Variants in RNASEH2B observed in about 807,000 individuals in gnomAD.
RNASEH2B encodes the protein ribonuclease H2 subunit B.
RNASEH2B carries 36 observed loss-of-function variants against 45.0 expected under a neutral mutation model. The observed-to-expected ratio is 0.80, with a 90% CI of 0.61 to 1.06. The LOEUF (loss-of-function observed/expected upper bound fraction) is 1.06. Ranked by LOEUF, RNASEH2B falls within the 50% of genes least tolerant of loss-of-function variation. RNASEH2B has a pLI of 0.00. For missense variants in RNASEH2B, 361 were observed against 360.3 expected (o/e 1.00, Z -0.02); for synonymous variants, 119 against 125.7 (o/e 0.95, Z 0.35).
intron 9 of RNASEH2B, among the ~76,000 whole-genome samples, chr13:50,964,656 TAGTC>T (rs1952147518): frequency 6.6e-6 from 1 of 152,220 alleles, no homozygotes; most frequent in Non-Finnish European, 1.5e-5. Flanking sequence ...GAGTACATGA[TAGTC>T]AGACAGGTTG....
rs368659854 is a variant in RNASEH2B, at chr13:50,937,474, G to T, written c.436+2475G>T. ...ACTCCTGGGCTCAAGGGAACCTCCCGCCTCAGCCTCCTAAAGTGCCGAGAT... is the reference window on the plus strand; with the variant it reads ...ACTCCTGGGCTCAAGGGAACCTCCCTCCTCAGCCTCCTAAAGTGCCGAGAT... On this transcript the variant is annotated intron_variant, in intron 5 of 10. Coordinates refer to ENST00000336617, the MANE Select transcript of RNASEH2B (RefSeq NM_024570.4). 3 of 152,092 alleles carry T rather than the reference G, an allele frequency of 2.0e-5. No individual in the cohort carries two copies. In the East Asian group the frequency reaches 5.8e-4, roughly 29 times the overall value. The allele number at this position is 152,092 out of a possible 1,614,324, so 9.4% of individuals were successfully genotyped here.
chr13:50,955,327 T>C (rs1175789523), intron 10 of RNASEH2B: 1 of 152,146 alleles, frequency 6.6e-6, no homozygotes, highest in Admixed American at 6.5e-5. Context: ...TAGTTCGATT[T>C]AAGATCTGCC....
intron 1 of RNASEH2B, among the ~76,000 whole-genome samples, chr13:50,916,092 G>GA (rs957596264): frequency 2.0e-5 from 3 of 151,298 alleles, no homozygotes; most frequent in Admixed American, 6.6e-5. Flanking sequence ...GTAATATGGG[G>GA]AAAAAAATAA....
At chr13:50,912,541 A>C (rs1879479778) in intron 1 of RNASEH2B, 1 of 152,224 alleles carries the variant, frequency 6.6e-6, no homozygotes, top group South Asian at 2.1e-4. Flanking sequence ...AGTGCATGTA[A>C]GTGCAGAGTG....
intron 9 of RNASEH2B, among the ~76,000 whole-genome samples, chr13:50,967,173 G>A (rs1952173356): frequency 6.6e-6 from 1 of 152,134 alleles, no homozygotes; most frequent in African/African-American, 2.4e-5. Context: ...TGCTTTTAGA[G>A]TTATCTTTCA....
At chr13:50,945,644 C>A in intron 7 of RNASEH2B, 112 bp downstream of exon 7, 1 of 735,504 alleles carries the variant, frequency 1.4e-6, no homozygotes, top group Non-Finnish European at 2.4e-6. Flanking sequence ...CATATTCCTA[C>A]CAATGCCTCA....
intron 5 of RNASEH2B, chr13:50,935,234 G>A: frequency 1.9e-6 from 1 of 524,872 alleles, no homozygotes; most frequent in Non-Finnish European, 3.4e-6. Flanking sequence ...GAATCACAAG[G>A]TGTGGCTTCA....
intron 2 of RNASEH2B, 50 bp from the exon 3 acceptor site, chr13:50,929,411 GGTGTGTGTGTGTTT>G: frequency 2.1e-6 from 2 of 947,586 alleles, no homozygotes; most frequent in Non-Finnish European, 3.4e-6. Context: ...AGTCTTTTGG[GGTGTGTGTGTGTTT>G]GTGTGTGTGT....
rs551361633 is a variant in RNASEH2B at position 50,925,545 on chromosome 13, C to A, written c.65-1862C>A. 5.6e-4 allele frequency among the ~76,000 whole-genome samples: 86 copies of A among 152,242 alleles called. 1 individual carries two copies. Among genetic ancestry groups the A allele is most frequent in the African/African-American group, 2.0e-3 (84 of 41,532 alleles). On this transcript the variant is annotated intron_variant, in intron 1 of 10. Coordinates refer to ENST00000336617, the MANE Select transcript of RNASEH2B (RefSeq NM_024570.4). ...TTATAATTAGTTTGGTAGGACCAGT[C>A]CAGCAAATAGTTAGGGCTGACTCTT...
At chr13:50,913,004 T>C (rs1295690473) in intron 1 of RNASEH2B, 1 of 152,254 alleles carries the variant, frequency 6.6e-6, no homozygotes, top group African/African-American at 2.4e-5. Flanking sequence ...GTTTTCAGTT[T>C]GTTTGGAGAA....
chr13:50,913,018 G>C (rs1879514113), intron 1 of RNASEH2B: 1 of 152,162 alleles, frequency 6.6e-6, no homozygotes, highest in South Asian at 2.1e-4. Flanking sequence ...TGGAGAAGCT[G>C]GCTATCTCAG....
intron 1 of RNASEH2B, among the ~76,000 whole-genome samples, chr13:50,918,611 T>C (rs1221103507): frequency 6.6e-6 from 1 of 152,216 alleles, no homozygotes; most frequent in Admixed American, 6.5e-5. Context: ...CCCAGATCTC[T>C]TTGACAGCAG....
chr13:50,944,010 T>C (rs767306792), intron 6 of RNASEH2B, among the ~76,000 whole-genome samples: 8 of 100,662 alleles, frequency 7.9e-5, no homozygotes, highest in Non-Finnish European at 1.5e-4. Flanking sequence ...CAGGACGGGA[T>C]GGGATGGGAC....
At position 50,945,444 on chromosome 13, in the gene RNASEH2B, A is replaced by G. The variant is rs768340427; in HGVS notation, c.528A>G (p.Ala176=). The change falls in exon 7 of 11, where the codon GCA becomes GCG. Residue 176 remains alanine (A), a synonymous_variant. Coordinates refer to ENST00000336617, the MANE Select transcript of RNASEH2B (RefSeq NM_024570.4). The part of the protein sequence containing the change: ...WLEKKVNQTV[A]ALKTNNVNVS... ...CTTCATAGGTTAATCAAACTGTGGC[A>G]GCATTAAAAACCAATAATGTGAATG... 2 of 1,613,096 alleles carry G rather than the reference A, an allele frequency of 1.2e-6. No homozygotes were observed. Among genetic ancestry groups the G allele is most frequent in the Non-Finnish European group, 1.7e-6 (2 of 1,179,082 alleles).
chr13:50,910,065 G>A lies in RNASEH2B; in HGVS notation c.-12G>A. The stretch of plus-strand genomic sequence containing the variant: ...GCGCTGAGCCTGCGGCGCCCCGGAA[G>A]AGGCGGGCGGCATGGCCGCTGGCGT... On this transcript the variant is annotated 5_prime_UTR_variant, in exon 1 of 11. Coordinates refer to ENST00000336617, the MANE Select transcript of RNASEH2B (RefSeq NM_024570.4). 6.8e-7 allele frequency: 1 copy of A among 1,461,010 alleles called. No individual in the cohort carries two copies. The highest frequency in any genetic ancestry group is 9.0e-7 in the Non-Finnish European group (1 of 1,111,580). 90.5% of individuals were successfully genotyped at this position (1,461,010 alleles called of 1,614,324 possible). A position where few individuals can be genotyped will look rare whatever the true frequency, so the allele number is the denominator to read the frequency against.
At chr13:50,917,935 TCATGCTCCATC>T (rs913803975) in intron 1 of RNASEH2B, among the ~76,000 whole-genome samples, 19 of 152,148 alleles carry the variant, frequency 1.2e-4, no homozygotes, top group African/African-American at 4.3e-4. Context: ...CCCACATAGT[TCATGCTCCATC>T]CATGCTCCAT....
At chr13:50,915,091 G>A (rs1879663823) in intron 1 of RNASEH2B, among the ~76,000 whole-genome samples, 1 of 152,186 alleles carries the variant, frequency 6.6e-6, no homozygotes, top group Admixed American at 6.5e-5. Context: ...TCTGTGGTTT[G>A]AGTTACTCAT....
intron 1 of RNASEH2B, among the ~76,000 whole-genome samples, chr13:50,919,574 G>A (rs1424644897): frequency 1.3e-5 from 2 of 152,172 alleles, no homozygotes; most frequent in Non-Finnish European, 2.9e-5. Context: ...GGACAAGAGA[G>A]GGAAAATTTT....
chr13:50,969,341 GTTAT>G (rs1952196199), intron 9 of RNASEH2B, among the ~76,000 whole-genome samples: 1 of 151,756 alleles, frequency 6.6e-6, no homozygotes, highest in South Asian at 2.1e-4. Context: ...TCCAGAATAC[GTTAT>G]TTTTAACTTT....
Sources: gnomAD v4.1 joint callset for allele counts (sites outside exome capture counted in the v4.1 genomes callset) on GRCh38, gnomAD v4.1.1 for gene constraint, MANE v1.5 for transcripts, NCBI Gene and HGNC (gene_info 2026-07-23, HGNC 2026-07-21) for gene names.